The following APLF variants were observed in gnomAD, a reference collection of about 807,000 sequenced individuals.
APLF encodes aprataxin and PNKP like factor, also known as aprataxin and PNK-like factor.
A neutral mutation model predicts 55.6 loss-of-function variants in APLF; 61 were observed. The observed-to-expected ratio is 1.10, with a 90% CI of 0.89 to 1.36. The LOEUF (loss-of-function observed/expected upper bound fraction) is 1.36. Among genes scored for constraint, APLF ranks in the 40% most tolerant of loss-of-function variants. The pLI is 0.00. For synonymous variants in APLF, 207 were observed against 214.8 expected (o/e 0.96, Z 0.32); for missense variants, 611 against 602.5 (o/e 1.01, Z -0.15).
At chr2:68,563,271 AT>A (rs1238883063) in intron 8 of APLF, 1 of 984,716 alleles carries the variant, frequency 1.0e-6, no homozygotes, top group Admixed American at 6.2e-5. Context: ...TGTACCTAAC[AT>A]TTTTTCCCCT....
intron 1 of APLF, among the ~76,000 whole-genome samples, chr2:68,481,017 A>AT (rs199873351): frequency 0.026 from 3,877 of 151,976 alleles, 65 homozygotes; most frequent in South Asian, 0.043. Flanking sequence ...GTTTGCTAGT[A>AT]TTTTTTTGAG....
chr2:68,538,862 C>G (rs941335213), intron 7 of APLF, among the ~76,000 whole-genome samples: 6 of 152,138 alleles, frequency 3.9e-5, no homozygotes, highest in Admixed American at 1.3e-4. Context: ...AGATTTCTTG[C>G]CATTCCAACT....
At chr2:68,507,161 G>A (rs950686337) in intron 3 of APLF, among the ~76,000 whole-genome samples, 1 of 151,848 alleles carries the variant, frequency 6.6e-6, no homozygotes, top group Non-Finnish European at 1.5e-5. Context: ...TCATAGATAT[G>A]TAGATAGACT....
intron 2 of APLF, among the ~76,000 whole-genome samples, chr2:68,491,543 C>T (rs1348768516): frequency 1.3e-5 from 2 of 152,182 alleles, no homozygotes; most frequent in African/African-American, 4.8e-5. Flanking sequence ...TGCCAATGAA[C>T]TACCATGGCC....
chr2:68,493,331 A>C (rs1486525854), intron 2 of APLF, among the ~76,000 whole-genome samples: 1 of 152,134 alleles, frequency 6.6e-6, no homozygotes, highest in Admixed American at 6.5e-5. Context: ...TGTTTGGAAA[A>C]AAAAATTAGA....
chr2:68,529,065 G>A lies in APLF; in HGVS notation c.804+2823G>A. ...ATCACCTGCTCATCTAATGAAGGAA[G>A]TTGAAGGTTAAACTTGCCTCTGAGA... On this transcript the variant is annotated intron_variant, in intron 6 of 9. Transcript: ENST00000303795. The surrounding 1 kb of genome is among the most constrained non-coding windows in gnomAD (Gnocchi z 4.4). The A allele has an allele frequency of 1.4e-6, 2 of 1,454,350 alleles. No homozygotes were observed. The highest frequency in any genetic ancestry group is 1.2e-5 in the South Asian group (1 of 82,284). 90.1% of individuals were successfully genotyped at this position (1,454,350 alleles called of 1,614,324 possible).
intron 8 of APLF, among the ~76,000 whole-genome samples, chr2:68,565,009 T>C (rs1671262578): frequency 6.6e-6 from 1 of 152,114 alleles, no homozygotes; most frequent in African/African-American, 2.4e-5. Context: ...TCAGCTTTGT[T>C]ACCCATATTT....
intron 1 of APLF, among the ~76,000 whole-genome samples, chr2:68,483,804 T>G (rs1302661090): frequency 6.6e-6 from 1 of 152,188 alleles, no homozygotes; most frequent in Non-Finnish European, 1.5e-5. Flanking sequence ...AACTATTTTC[T>G]GTTCTTATAT....
chr2:68,517,086 AT>A (rs1248740761), intron 5 of APLF, among the ~76,000 whole-genome samples: 1 of 122,088 alleles, frequency 8.2e-6, no homozygotes, highest in African/African-American at 3.5e-5. Flanking sequence ...ATAATATGTT[AT>A]TAATATATAA....
At chr2:68,468,133 C>A (rs1675490939) in intron 1 of APLF, among the ~76,000 whole-genome samples, 1 of 152,152 alleles carries the variant, frequency 6.6e-6, no homozygotes, top group Admixed American at 6.5e-5. Flanking sequence ...TTCTTAAATT[C>A]TGAAATGTAA....
chr2:68,489,302 G>A (rs1676282188), intron 1 of APLF, among the ~76,000 whole-genome samples: 1 of 152,186 alleles, frequency 6.6e-6, no homozygotes, highest in East Asian at 1.9e-4. Flanking sequence ...TGGTCCTTAT[G>A]CGGATAATGC....
chr2:68,476,804 A>G (rs897348179), intron 1 of APLF, among the ~76,000 whole-genome samples: 4 of 152,200 alleles, frequency 2.6e-5, no homozygotes, highest in Admixed American at 2.6e-4. Context: ...TGGAGTGATG[A>G]ATACATCCTG....
intron 1 of APLF, among the ~76,000 whole-genome samples, chr2:68,483,891 C>T: frequency 6.6e-6 from 1 of 152,106 alleles, no homozygotes; most frequent in East Asian, 1.9e-4. Flanking sequence ...AGAAACTTCT[C>T]TAGAAAAGCA....
chr2:68,527,143 G>A (rs1265430027), intron 6 of APLF, among the ~76,000 whole-genome samples: 1 of 150,868 alleles, frequency 6.6e-6, no homozygotes, highest in Admixed American at 6.6e-5. Flanking sequence ...TGAGGGGGCC[G>A]GGCAGAGGTG....
chr2:68,470,809 AAGG>A (rs1367703318), intron 1 of APLF, among the ~76,000 whole-genome samples: 1 of 152,214 alleles, frequency 6.6e-6, no homozygotes, highest in Admixed American at 6.5e-5. Context: ...CTTTGATTAA[AAGG>A]AGAAGAGTCC....
intron 2 of APLF, among the ~76,000 whole-genome samples, chr2:68,498,196 G>A (rs1359278847): frequency 6.6e-6 from 1 of 152,128 alleles, no homozygotes; most frequent in Non-Finnish European, 1.5e-5. Context: ...TCTGTTCCCT[G>A]ATCAGTCACA....
chr2:68,561,103 A>G (rs563710351), intron 8 of APLF, among the ~76,000 whole-genome samples: 2 of 152,294 alleles, frequency 1.3e-5, no homozygotes, highest in East Asian at 3.9e-4. Flanking sequence ...TTACCAGCAC[A>G]TAGGATTTCT....
At chr2:68,567,456 C>A in intron 9 of APLF, 69 bp downstream of exon 9, 1 of 1,209,648 alleles carries the variant, frequency 8.3e-7, no homozygotes. Flanking sequence ...ACCTAGTTTC[C>A]AGTTATTATG....
Position 68,580,128 on chromosome 2 carries a change from TA to T in APLF, c.*2108del. Reference sequence around the variant, plus strand: ...ATCATCCTGAAGACACTTTTGAGTATAACTATTGTATAAATAAATGTATAGC... The same window carrying T: ...ATCATCCTGAAGACACTTTTGAGTATACTATTGTATAAATAAATGTATAGC... On this transcript the variant is annotated 3_prime_UTR_variant, in exon 10 of 10. Coordinates refer to ENST00000303795, the MANE Select transcript of APLF (RefSeq NM_173545.3). 1 of 939,350 alleles carries T rather than the reference TA, an allele frequency of 1.1e-6. No individual in the cohort carries two copies. Among genetic ancestry groups the T allele is most frequent in the Non-Finnish European group, 1.3e-6 (1 of 787,876 alleles). 58.2% of individuals were successfully genotyped at this position (939,350 alleles called of 1,614,324 possible).
Sources: gnomAD v4.1 joint callset for allele counts (sites outside exome capture counted in the v4.1 genomes callset) on GRCh38, gnomAD v4.1.1 for gene constraint, Gnocchi (gnomAD v3.1) non-coding constraint, MANE v1.5 for transcripts, NCBI Gene and HGNC (gene_info 2026-07-23, HGNC 2026-07-21) for gene names.